EPHA6: variants seen among roughly 807,000 people sequenced by gnomAD.
The protein encoded by EPHA6 is ephrin type-A receptor 6.
Under a neutral mutation model 112.0 loss-of-function variants are expected in EPHA6, and 50 were observed. The observed-to-expected ratio is 0.45, with a 90% confidence interval of 0.36 to 0.56. EPHA6 has a LOEUF of 0.56. EPHA6 is among the 20% of genes least tolerant of loss of function. EPHA6 has a pLI of 0.00. For synonymous variants in EPHA6, 529 were observed against 490.7 expected, an observed-to-expected ratio of 1.08 and a Z score of -1.03; for missense variants, 1,280 against 1,417.4, an observed-to-expected ratio of 0.90 and a Z score of 1.56.
At chr3:97,403,124 T>A (rs1157427116) in intron 5 of EPHA6, among the ~76,000 whole-genome samples, 1 of 152,092 alleles carries the variant, frequency 6.6e-6, no homozygotes, top group Non-Finnish European at 1.5e-5. Flanking sequence ...AAAAATCTAG[T>A]TCTCAATACA....
At chr3:97,340,682 G>T (rs2083262299) in intron 5 of EPHA6, among the ~76,000 whole-genome samples, 1 of 152,096 alleles carries the variant, frequency 6.6e-6, no homozygotes, top group African/African-American at 2.4e-5. Context: ...CAGCAAATTT[G>T]GTTTCTGTTA....
intron 7 of EPHA6, among the ~76,000 whole-genome samples, chr3:97,472,730 G>T (rs187441714): frequency 3.0e-4 from 46 of 151,882 alleles, no homozygotes; most frequent in African/African-American, 1.1e-3. Context: ...TGCTCTGAAA[G>T]ATTGTGACAA....
chr3:97,378,782 G>A lies in EPHA6; in HGVS notation c.1607-26368G>A, dbSNP rs139606012. On this transcript the variant is annotated intron_variant, in intron 5 of 17. Coordinates refer to ENST00000389672, the MANE Select transcript of EPHA6 (RefSeq NM_001080448.3). ...TTGGCCAATTTCTCCCATGTAGAAC[G>A]GCTGTATTTGCTCAGTACTTGTACC... is the stretch of plus-strand genomic sequence containing the variant. Among the ~76,000 whole-genome samples the A allele has an allele frequency of 3.5e-3, 534 of 152,178 alleles. 2 individuals carry two copies. The highest frequency in any genetic ancestry group is 0.014 in the Middle Eastern group (4 of 294).
intron 14 of EPHA6, among the ~76,000 whole-genome samples, chr3:97,660,621 A>G (rs551378188): frequency 6.6e-6 from 1 of 152,192 alleles, no homozygotes; most frequent in South Asian, 2.1e-4. Flanking sequence ...AGCTCGCTTG[A>G]TTTGCCTGTA....
At chr3:97,084,138 G>GCACA (rs373106924) in intron 3 of EPHA6, among the ~76,000 whole-genome samples, 2,039 of 119,496 alleles carry the variant, frequency 0.017, 65 homozygotes, top group African/African-American at 0.059. Context: ...ATATATCCAT[G>GCACA]CACACACACA....
intron 3 of EPHA6, among the ~76,000 whole-genome samples, chr3:97,046,769 A>T (rs1371788025): frequency 6.6e-6 from 1 of 152,148 alleles, no homozygotes; most frequent in East Asian, 1.9e-4. Flanking sequence ...AATATCATTA[A>T]AAAGCATAGG....
At chr3:97,127,311 T>C (rs2048209799) in intron 3 of EPHA6, among the ~76,000 whole-genome samples, 1 of 152,124 alleles carries the variant, frequency 6.6e-6, no homozygotes, top group Non-Finnish European at 1.5e-5. Context: ...GTTCCTTTCC[T>C]CCAGGTATAG....
At chr3:97,513,244 C>T (rs1315563746) in intron 10 of EPHA6, among the ~76,000 whole-genome samples, 1 of 152,098 alleles carries the variant, frequency 6.6e-6, no homozygotes, top group African/African-American at 2.4e-5. Flanking sequence ...TGTGGAAGTT[C>T]CTCAAAAAAT....
intron 14 of EPHA6, among the ~76,000 whole-genome samples, chr3:97,707,342 G>C (rs1405939797): frequency 6.6e-6 from 1 of 152,062 alleles, no homozygotes; most frequent in Non-Finnish European, 1.5e-5. Context: ...AAACTTTCTG[G>C]GAGGACAGTA....
chr3:97,071,998 C>T (rs1174795285), intron 3 of EPHA6, among the ~76,000 whole-genome samples: 1 of 151,998 alleles, frequency 6.6e-6, no homozygotes, highest in Non-Finnish European at 1.5e-5. Flanking sequence ...AGTTACTTCA[C>T]TTAAAATAAT....
chr3:97,348,726 A>G (rs1379341634), intron 5 of EPHA6, among the ~76,000 whole-genome samples: 2 of 152,012 alleles, frequency 1.3e-5, no homozygotes, highest in Non-Finnish European at 2.9e-5. Flanking sequence ...TCATGCATTG[A>G]TTGAAGATTT....
At chr3:97,106,186 T>A (rs1363416046) in intron 3 of EPHA6, among the ~76,000 whole-genome samples, 1 of 152,104 alleles carries the variant, frequency 6.6e-6, no homozygotes, top group Non-Finnish European at 1.5e-5. Flanking sequence ...ATTTGTTTAG[T>A]CATCATAATT....
At chr3:96,926,541 T>G (rs1327739779) in intron 2 of EPHA6, among the ~76,000 whole-genome samples, 1 of 152,196 alleles carries the variant, frequency 6.6e-6, no homozygotes, top group Non-Finnish European at 1.5e-5. Flanking sequence ...TCCTTCTGCC[T>G]AGGAGCTTGT....
chr3:96,857,793 G>T (rs1357688508), intron 1 of EPHA6, among the ~76,000 whole-genome samples: 3 of 152,014 alleles, frequency 2.0e-5, no homozygotes, highest in African/African-American at 7.2e-5. Flanking sequence ...GGCAGTCAAA[G>T]ATGTTGAAAA....
intron 12 of EPHA6, among the ~76,000 whole-genome samples, chr3:97,597,444 A>G (rs2093604216): frequency 6.6e-6 from 1 of 152,180 alleles, no homozygotes; most frequent in African/African-American, 2.4e-5. Flanking sequence ...ATTAAGAATA[A>G]TGTTTAATAT....
chr3:97,579,955 T>TTCA (rs2093422571), intron 11 of EPHA6, among the ~76,000 whole-genome samples: 1 of 152,206 alleles, frequency 6.6e-6, no homozygotes, highest in Non-Finnish European at 1.5e-5. Flanking sequence ...AAATTGAATA[T>TTCA]AATACTTTGA....
At chr3:97,147,050 C>T (rs1243720073) in intron 3 of EPHA6, among the ~76,000 whole-genome samples, 3 of 152,084 alleles carry the variant, frequency 2.0e-5, no homozygotes, top group Non-Finnish European at 4.4e-5. Flanking sequence ...TGGCAAAGCA[C>T]GCTGGCATCA....
At chr3:97,160,500 G>A (rs1309428194) in intron 3 of EPHA6, among the ~76,000 whole-genome samples, 10 of 151,680 alleles carry the variant, frequency 6.6e-5, no homozygotes, top group African/African-American at 1.5e-4. Context: ...GGCTGGTTTC[G>A]AACTCCTGAC....
intron 3 of EPHA6, among the ~76,000 whole-genome samples, chr3:96,992,004 T>C (rs1266850272): frequency 6.6e-6 from 1 of 152,184 alleles, no homozygotes; most frequent in Non-Finnish European, 1.5e-5. Flanking sequence ...TCCCTGTGAT[T>C]GGTTCCCTGT....
Sources: gnomAD v4.1 joint callset for allele counts (sites outside exome capture counted in the v4.1 genomes callset) on GRCh38, gnomAD v4.1.1 for gene constraint, MANE v1.5 for transcripts, NCBI Gene and HGNC (gene_info 2026-07-23, HGNC 2026-07-21) for gene names.